The following CSMD3 variants were observed in gnomAD, a reference collection of about 807,000 sequenced individuals.
CSMD3 encodes the protein CUB and sushi domain-containing protein 3.
A neutral mutation model predicts 435.2 loss-of-function variants in CSMD3; 177 were observed. The ratio of observed to expected loss-of-function variants is 0.41; its 90% CI spans 0.36 to 0.46. The LOEUF (loss-of-function observed/expected upper bound fraction) is 0.46, where lower values mean the gene tolerates loss of function less well. Ranked by LOEUF, CSMD3 falls within the 20% of genes least tolerant of loss-of-function variation. The pLI is 0.34. For synonymous variants in CSMD3, 1,656 were observed against 1,520.5 expected (o/e 1.09, Z -2.07); for missense variants, 4,265 against 4,504.6 (o/e 0.95, Z 1.52).
chr8:113,151,666 CAT>C (rs1332156190), intron 4 of CSMD3, among the ~76,000 whole-genome samples: 1 of 151,970 alleles, frequency 6.6e-6, no homozygotes, highest in Non-Finnish European at 1.5e-5. Context: ...TTATAACCGA[CAT>C]ATTTTGACAG....
intron 32 of CSMD3, among the ~76,000 whole-genome samples, chr8:112,411,212 G>T (rs1811304951): frequency 6.7e-6 from 1 of 148,334 alleles, no homozygotes; most frequent in African/African-American, 2.5e-5. Flanking sequence ...AACTGAATAT[G>T]TTGAGACTAT....
intron 10 of CSMD3, among the ~76,000 whole-genome samples, chr8:112,902,794 G>A (rs2082142092): frequency 6.6e-6 from 1 of 151,356 alleles, no homozygotes; most frequent in Admixed American, 6.6e-5. Flanking sequence ...GTCACAAAAA[G>A]CATTCAAAAA....
chr8:113,335,275 T>A (rs79988843), intron 1 of CSMD3, among the ~76,000 whole-genome samples: 1 of 152,134 alleles, frequency 6.6e-6, no homozygotes, highest in African/African-American at 2.4e-5. Flanking sequence ...CAATTAAAAC[T>A]TTTTTCTTTA....
intron 11 of CSMD3, among the ~76,000 whole-genome samples, chr8:112,851,852 G>A (rs1458168295): frequency 6.6e-6 from 1 of 152,090 alleles, no homozygotes; most frequent in African/African-American, 2.4e-5. Flanking sequence ...GAATGAATAA[G>A]TAAGTATTCC....
chr8:113,345,195 G>A (rs1481401163), intron 1 of CSMD3, among the ~76,000 whole-genome samples: 1 of 152,044 alleles, frequency 6.6e-6, no homozygotes, highest in African/African-American at 2.4e-5. Flanking sequence ...CAAAGGATAA[G>A]TCTATAAACC....
intron 3 of CSMD3, among the ~76,000 whole-genome samples, chr8:113,271,641 G>A (rs1290211790): frequency 6.6e-6 from 1 of 152,142 alleles, no homozygotes; most frequent in African/African-American, 2.4e-5. Context: ...CTGCAGGGGT[G>A]GGGCCCTCAT....
intron 4 of CSMD3, among the ~76,000 whole-genome samples, chr8:113,170,139 A>T (rs1391179772): frequency 2.6e-5 from 4 of 152,218 alleles, no homozygotes; most frequent in Non-Finnish European, 4.4e-5. Flanking sequence ...AGATCATTAC[A>T]GAGTCATCAG....
At chr8:112,634,747 C>T (rs1165917202) in intron 22 of CSMD3, among the ~76,000 whole-genome samples, 1 of 151,554 alleles carries the variant, frequency 6.6e-6, no homozygotes, top group African/African-American at 2.4e-5. Context: ...TACATGTAAA[C>T]ACTTTTTTTT....
chr8:112,486,114 GT>G (rs10955624), intron 31 of CSMD3, among the ~76,000 whole-genome samples: 5,511 of 144,600 alleles, frequency 0.038, 332 homozygotes, highest in African/African-American at 0.13. Context: ...ATTCTATCAG[GT>G]TTTTTTTTTT....
chr8:112,463,562 A>C (rs1252481494), intron 32 of CSMD3, among the ~76,000 whole-genome samples: 3 of 152,118 alleles, frequency 2.0e-5, no homozygotes, highest in Admixed American at 2.0e-4. Context: ...GAGTTTTTCC[A>C]AGTTATCACA....
intron 47 of CSMD3, among the ~76,000 whole-genome samples, chr8:112,315,456 C>T (rs1056417637): frequency 4.6e-5 from 7 of 151,820 alleles, no homozygotes; most frequent in Non-Finnish European, 8.8e-5. Context: ...CCTTTTTACT[C>T]AAATTATGCC....
chr8:112,842,777 A>C (rs1367619691), intron 11 of CSMD3, among the ~76,000 whole-genome samples: 1 of 151,840 alleles, frequency 6.6e-6, no homozygotes, highest in African/African-American at 2.4e-5. Flanking sequence ...AAATATAGAA[A>C]GGACATACAA....
chr8:113,179,283 T>C (rs1404696364), intron 3 of CSMD3, among the ~76,000 whole-genome samples: 1 of 151,792 alleles, frequency 6.6e-6, no homozygotes, highest in East Asian at 1.9e-4. Flanking sequence ...ACTCAATAAA[T>C]TGCAGTTTTA....
chr8:113,036,564 C>T (rs1176535916), intron 5 of CSMD3, among the ~76,000 whole-genome samples: 1 of 151,992 alleles, frequency 6.6e-6, no homozygotes, highest in Non-Finnish European at 1.5e-5. Flanking sequence ...AAGATAATTA[C>T]AGAGCAACAT....
At chr8:112,485,512 C>T (rs1161467328) in intron 31 of CSMD3, among the ~76,000 whole-genome samples, 1 of 152,060 alleles carries the variant, frequency 6.6e-6, no homozygotes, top group Non-Finnish European at 1.5e-5. Context: ...ACTTATTTCA[C>T]ACCCCCAAAA....
At chr8:112,502,117 G>A (rs1822029173) in intron 30 of CSMD3, among the ~76,000 whole-genome samples, 1 of 152,140 alleles carries the variant, frequency 6.6e-6, no homozygotes, top group African/African-American at 2.4e-5. Context: ...TGCCTACATG[G>A]CCAGCTAGCC....
At chr8:113,071,110 A>G (rs2089095215) in intron 5 of CSMD3, among the ~76,000 whole-genome samples, 1 of 151,956 alleles carries the variant, frequency 6.6e-6, no homozygotes, top group South Asian at 2.1e-4. Context: ...GATCATTGGT[A>G]TGTCCTCACT....
chr8:113,270,600 A>T (rs1346509101), intron 3 of CSMD3, among the ~76,000 whole-genome samples: 1 of 152,164 alleles, frequency 6.6e-6, no homozygotes, highest in Non-Finnish European at 1.5e-5. Flanking sequence ...GATAGACTGG[A>T]TTAAGAAAAT....
intron 3 of CSMD3, among the ~76,000 whole-genome samples, chr8:113,269,184 A>C (rs2093497680): frequency 6.6e-6 from 1 of 152,140 alleles, no homozygotes; most frequent in Non-Finnish European, 1.5e-5. Flanking sequence ...TTCCCACCCA[A>C]ATCACGGGTA....
Sources: gnomAD v4.1 joint callset for allele counts (sites outside exome capture counted in the v4.1 genomes callset) on GRCh38, gnomAD v4.1.1 for gene constraint, MANE v1.5 for transcripts, NCBI Gene and HGNC (gene_info 2026-07-23, HGNC 2026-07-21) for gene names.